The following MKKS variants were observed in gnomAD, a reference collection of about 807,000 sequenced individuals.
MKKS encodes the protein molecular chaperone MKKS.
A neutral mutation model predicts 33.2 loss-of-function variants in MKKS; 29 were observed. That is an observed-to-expected ratio of 0.87 (90% confidence interval 0.65 to 1.19). MKKS has a LOEUF of 1.19. MKKS is among the 50% of genes most tolerant of loss of function. The pLI is 0.00. For synonymous variants in MKKS, 260 were observed against 244.0 expected (o/e 1.07, Z -0.61); for missense variants, 661 against 662.3 (o/e 1.00, Z 0.02).
At chr20:10,405,768 A>G in intron 5 of MKKS, 81 bp from the exon 6 acceptor site, 1 of 1,250,868 alleles carries the variant, frequency 8.0e-7, no homozygotes. Flanking sequence ...ACTGAAATCA[A>G]AATCTTATTC....
intron 2 of MKKS, among the ~76,000 whole-genome samples, chr20:10,419,391 G>A (rs537148508): frequency 4.6e-5 from 7 of 151,902 alleles, no homozygotes; most frequent in South Asian, 2.1e-4. Flanking sequence ...ATAGTATAAC[G>A]CTATATTATA....
rs1302777267 is a variant in MKKS, at chr20:10,413,434, A to G, written c.81T>C (p.Ser27=). Residue 27 remains serine (S), a synonymous_variant, in exon 3 of 6, where the codon TCT becomes TCC. Transcript: ENST00000347364. ...ATGATGTTACAATTCTTTTCAAGACAGAAAGTGTGGTCCTGACTCTCTCAG... is the reference window on the plus strand; with the variant it reads ...ATGATGTTACAATTCTTTTCAAGACGGAAAGTGTGGTCCTGACTCTCTCAG... ...LTTERVRTTL[S]VLKRIVTSCY... 5.0e-6 allele frequency: 8 copies of G among 1,613,530 alleles called. No individual in the cohort carries two copies. The highest frequency in any genetic ancestry group is 5.9e-6 in the Non-Finnish European group (7 of 1,179,556).
At chr20:10,407,278 G>T (rs1270005746) in intron 5 of MKKS, among the ~76,000 whole-genome samples, 1 of 152,088 alleles carries the variant, frequency 6.6e-6, no homozygotes, top group East Asian at 1.9e-4. Context: ...CCCAATAACA[G>T]AATGCTAGCT....
intron 3 of MKKS, among the ~76,000 whole-genome samples, chr20:10,409,977 CAAAAAAAA>C (rs58776463): frequency 1.3e-4 from 7 of 54,234 alleles, no homozygotes; most frequent in South Asian, 1.2e-3. Context: ...GACTTTGTCT[CAAAAAAAA>C]AAAAAAAAAA....
chr20:10,432,058 C>T (rs993075767), intron 1 of MKKS: 2 of 152,358 alleles, frequency 1.3e-5, no homozygotes, highest in Non-Finnish European at 2.9e-5. Context: ...CTGAGACAGA[C>T]CTCGGCTGCC....
chr20:10,427,081 A>ACACACACACACACACACACACAC (rs1289564841), intron 1 of MKKS, among the ~76,000 whole-genome samples: 2 of 85,700 alleles, frequency 2.3e-5, no homozygotes. Flanking sequence ...CACACACACA[A>ACACACACACACACACACACACAC]AGTAAGGTTA....
chr20:10,417,417 C>T (rs914621078), intron 2 of MKKS, among the ~76,000 whole-genome samples: 1 of 152,104 alleles, frequency 6.6e-6, no homozygotes, highest in Non-Finnish European at 1.5e-5. Flanking sequence ...TTGAGACCAG[C>T]CTGGGCAACA....
At chr20:10,432,127 A>G (rs1430735141) in intron 1 of MKKS, among the ~76,000 whole-genome samples, 1 of 152,208 alleles carries the variant, frequency 6.6e-6, no homozygotes, top group Non-Finnish European at 1.5e-5. Flanking sequence ...TTTCCAGGGA[A>G]ACAGACATCT....
Position 10,413,081 on chromosome 20 carries a change from C to T in MKKS, c.434G>A (p.Ser145Asn). Residue 145 changes from serine (S) to asparagine (N), a missense_variant, in exon 3 of 6, where the codon AGT becomes AAT. Ser to Asn is a conservative substitution (Grantham distance 46). Transcript: ENST00000347364. Reference protein sequence around the residue: ...TCGCRIPVDFSSTQILLCLVR... With the variant: ...TCGCRIPVDFNSTQILLCLVR... ...CAAACAAAGGAGGATCTGAGTACTA[C>T]TAAAGTCCACTGGGATTCGACAACC... The T allele has an allele frequency of 6.2e-7, 1 of 1,613,946 alleles. No homozygotes were observed. The highest frequency in any genetic ancestry group is 8.5e-7 in the Non-Finnish European group (1 of 1,180,006).
chr20:10,433,222 C>T (rs2065067336), intron 1 of MKKS, among the ~76,000 whole-genome samples: 1 of 152,212 alleles, frequency 6.6e-6, no homozygotes, highest in Non-Finnish European at 1.5e-5. Flanking sequence ...GCCTGGCTGG[C>T]CCCAAACTCC....
In MKKS at chr20:10,405,306, C is replaced by A. The variant is rs532487848; in HGVS notation, c.1654G>T (p.Ala552Ser). ...LTAKLSGLQV[A>S]VETANLILDL... ...AAAATCAAATTGGCTGTCTCTACAGCCACCTGTAGGCCACTAAGCTTTGCA... is the reference window on the plus strand; with the variant it reads ...AAAATCAAATTGGCTGTCTCTACAGACACCTGTAGGCCACTAAGCTTTGCA... Residue 552 changes from alanine to serine, a missense_variant, in exon 6 of 6, where the codon GCT becomes TCT. By Grantham distance (99) the Ala-to-Ser change is moderately conservative. Transcript: ENST00000347364. The A allele has an allele frequency of 3.7e-6, 6 of 1,613,604 alleles. No homozygotes were observed. Among genetic ancestry groups the A allele is most frequent in the Admixed American group, 1.7e-5 (1 of 59,944 alleles).
In MKKS at chr20:10,426,411, C is replaced by T. The variant is rs77641031; in HGVS notation, c.-648-5653G>A. On this transcript the variant is annotated intron_variant, in intron 1 of 5. Coordinates refer to ENST00000347364, the MANE Select transcript of MKKS (RefSeq NM_170784.3). The stretch of plus-strand genomic sequence containing the variant: ...GGGGCATCATGCCTGGCATGTTGTT[C>T]TTTTTTCTTTTTTTGGGACAGTCTC... Among the ~76,000 whole-genome samples the T allele has an allele frequency of 1.5e-3, 167 of 112,466 alleles. 1 individual carries two copies. In the Middle Eastern group the frequency reaches 0.024, roughly 16 times the overall value. 73.8% of individuals were successfully genotyped at this position (112,466 alleles called of 152,430 possible). A position where few individuals can be genotyped will look rare whatever the true frequency, so the allele number is the denominator to read the frequency against.
chr20:10,417,379 G>A (rs905836097), intron 2 of MKKS, among the ~76,000 whole-genome samples: 11 of 152,214 alleles, frequency 7.2e-5, no homozygotes, highest in African/African-American at 2.4e-4. Context: ...GGGAGGCCAA[G>A]GCAGGAGGAT....
intron 1 of MKKS, among the ~76,000 whole-genome samples, chr20:10,433,900 GCAA>G (rs2065075881): frequency 6.6e-6 from 1 of 152,206 alleles, no homozygotes; most frequent in African/African-American, 2.4e-5. Context: ...CGTGCCGACC[GCAA>G]CATTTACCAT....
At chr20:10,411,947 A>G (rs221668) in intron 3 of MKKS, among the ~76,000 whole-genome samples, 41,479 of 152,138 alleles carry the variant, frequency 0.27, 5,981 homozygotes, top group African/African-American at 0.36. Flanking sequence ...TCAATTCAAC[A>G]AACACTTTAG....
Position 10,404,665 on chromosome 20 carries a change from T to C in MKKS, c.*582A>G, listed in dbSNP as rs1236311426. The C allele has an allele frequency of 6.6e-6, 1 of 152,116 alleles. No homozygotes were observed. The highest frequency in any genetic ancestry group is 1.5e-5 in the Non-Finnish European group (1 of 68,046). The allele number at this position is 152,116 out of a possible 1,614,324, so 9.4% of individuals were successfully genotyped here. ...AAACATTTCCCCAAAATAACAAAAA[T>C]GTGGAGTTGTGATATAAACTACAAA... On this transcript the variant is annotated 3_prime_UTR_variant, in exon 6 of 6. Transcript: ENST00000347364.
Position 10,404,965 on chromosome 20 carries a change from C to T in MKKS, c.*282G>A. The T allele has an allele frequency of 4.6e-6, 1 of 219,726 alleles. No homozygotes were observed. The highest frequency in any genetic ancestry group is 9.0e-6 in the Non-Finnish European group (1 of 111,466). The allele number at this position is 219,726 out of a possible 1,614,324, so 13.6% of individuals were successfully genotyped here. A position where few individuals can be genotyped will look rare whatever the true frequency, so the allele number is the denominator to read the frequency against. On this transcript the variant is annotated 3_prime_UTR_variant, in exon 6 of 6. Transcript: ENST00000347364. ...TTATTTGTTTGCTCTCAAAATGATGCCAACATAACAAAAATTTAGAACAAT... is the reference window on the plus strand; with the variant it reads ...TTATTTGTTTGCTCTCAAAATGATGTCAACATAACAAAAATTTAGAACAAT...
rs201781441 is a variant in MKKS at position 10,419,924 on chromosome 20, G to A, written c.-418+604C>T. ...AACTGAAACTGCAGAAAGCCAAACT[G>A]CGGATAAAGGGAGACAACTGCACTG... On this transcript the variant is annotated intron_variant, in intron 2 of 5. Coordinates refer to ENST00000347364, the MANE Select transcript of MKKS (RefSeq NM_170784.3). Among the ~76,000 whole-genome samples the A allele has an allele frequency of 2.0e-4, 31 of 152,314 alleles. No homozygotes were observed. The East Asian group carries it at 5.2e-3, about 26-fold the overall frequency.
chr20:10,430,724 A>G (rs2065048747), intron 1 of MKKS, among the ~76,000 whole-genome samples: 3 of 152,338 alleles, frequency 2.0e-5, no homozygotes, highest in South Asian at 2.1e-4. Flanking sequence ...TCAAGCTTCT[A>G]AAGTGAGAGC....
Sources: gnomAD v4.1 joint callset for allele counts (sites outside exome capture counted in the v4.1 genomes callset) on GRCh38, gnomAD v4.1.1 for gene constraint, MANE v1.5 for transcripts, NCBI Gene and HGNC (gene_info 2026-07-23, HGNC 2026-07-21) for gene names.